PDGFRA: variants seen among roughly 807,000 people sequenced by gnomAD.
The protein encoded by PDGFRA is platelet derived growth factor receptor alpha.
Under a neutral mutation model 121.5 loss-of-function variants are expected in PDGFRA, and 25 were observed. The observed-to-expected ratio is 0.21, with a 90% confidence interval of 0.15 to 0.29. The LOEUF (loss-of-function observed/expected upper bound fraction) is 0.29, where lower values mean the gene tolerates loss of function less well. PDGFRA is among the 10% of genes least tolerant of loss of function. The pLI, the probability that PDGFRA is intolerant of heterozygous loss-of-function variation, is 1.00. For synonymous variants in PDGFRA, 463 were observed against 494.8 expected, an observed-to-expected ratio of 0.94 and a Z score of 0.85; for missense variants, 1,008 against 1,345.1, an observed-to-expected ratio of 0.75 and a Z score of 3.92.
chr4:54,289,261 C>T (rs1050634176), intron 21 of PDGFRA, 147 bp downstream of exon 21: 39 of 701,140 alleles, frequency 5.6e-5, no homozygotes, highest in African/African-American at 3.7e-4. Flanking sequence ...CGGTGCTCCA[C>T]GAGACCCTAG....
intron 1 of PDGFRA, among the ~76,000 whole-genome samples, chr4:54,255,025 T>C (rs1722282181): frequency 6.6e-6 from 1 of 152,120 alleles, no homozygotes; most frequent in Non-Finnish European, 1.5e-5. Flanking sequence ...GACCTTCCCT[T>C]GAGAGAGACC....
At position 54,273,605 on chromosome 4, in the gene PDGFRA, C is replaced by G; in HGVS notation, c.1433C>G (p.Ser478Cys). The part of the protein sequence containing the change: ...NVSNIITEIH[S>C]RDRSTVEGRV... ...TCAAACATCATCACGGAGATCCACT[C>G]CCGAGACAGGAGTACCGTGGAGGGC... Residue 478 changes from serine (S) to cysteine (C), a missense_variant, in exon 10 of 23, where the codon TCC becomes TGC. This residue lies in a region of PDGFRA where 575 missense variants were observed against 701.8 expected (regional missense o/e 0.82). Transcript: ENST00000257290. 2 of 1,614,102 alleles carry G rather than the reference C, an allele frequency of 1.2e-6. No homozygotes were observed. Among genetic ancestry groups the G allele is most frequent in the Non-Finnish European group, 1.7e-6 (2 of 1,179,990 alleles).
intron 1 of PDGFRA, among the ~76,000 whole-genome samples, chr4:54,251,557 C>T (rs1027953959): frequency 3.9e-5 from 6 of 152,156 alleles, no homozygotes; most frequent in Non-Finnish European, 8.8e-5. Flanking sequence ...GGTGTGCTTT[C>T]AGATACAAAC....
Position 54,290,372 on chromosome 4 carries a change from G to A in PDGFRA, c.2940G>A (p.Met980Ile). 2 of 1,612,940 alleles carry A rather than the reference G, an allele frequency of 1.2e-6. No homozygotes were observed. The highest frequency in any genetic ancestry group is 8.5e-7 in the Non-Finnish European group (1 of 1,178,846). Residue 980 changes from methionine to isoleucine, a missense_variant, in exon 22 of 23, where the codon ATG becomes ATA. Around this residue, in one of 5 missense-constraint regions of PDGFRA, gnomAD observed 204 missense variants for 243.0 expected, o/e 0.84. Transcript: ENST00000257290. ...LKSDHPAVAR[M>I]RVDSDNAYIG... Reference sequence around the variant, plus strand: ...GTGACCATCCTGCTGTGGCACGCATGCGTGTGGACTCAGACAATGCATACA... The same window carrying A: ...GTGACCATCCTGCTGTGGCACGCATACGTGTGGACTCAGACAATGCATACA...
chr4:54,296,113 T>A lies in PDGFRA; in HGVS notation c.*841T>A. ...AATAGCTTTAGTGAATTAAATTTAGTTGAGCATAGAGAACAAAGTAAAAGT... is the reference window on the plus strand; with the variant it reads ...AATAGCTTTAGTGAATTAAATTTAGATGAGCATAGAGAACAAAGTAAAAGT... On this transcript the variant is annotated 3_prime_UTR_variant, in exon 23 of 23. Transcript: ENST00000257290. 1 of 232,798 alleles carries A rather than the reference T, an allele frequency of 4.3e-6. No individual in the cohort carries two copies. The highest frequency in any genetic ancestry group is 2.2e-5 in the African/African-American group (1 of 45,430). The allele number at this position is 232,798 out of a possible 1,614,324, so 14.4% of individuals were successfully genotyped here.
intron 16 of PDGFRA, chr4:54,282,076 A>G (rs1241621415): frequency 3.4e-6 from 2 of 593,246 alleles, no homozygotes; most frequent in African/African-American, 2.0e-5. Context: ...AGCTGAGATG[A>G]TTTGCTAATT....
rs148629782 is a variant in PDGFRA at position 54,295,230 on chromosome 4, C to T, written c.3228C>T (p.Ile1076=). Reference sequence around the variant, plus strand: ...AAGACATCGACATGATGGATGACATCGGCATAGACTCTTCAGACCTGGTGG... The same window carrying T: ...AAGACATCGACATGATGGATGACATTGGCATAGACTCTTCAGACCTGGTGG... ...TIEDIDMMDD[I]GIDSSDLVED... The change falls in exon 23 of 23, where the codon ATC becomes ATT. Residue 1076 remains isoleucine, a synonymous_variant. Coordinates refer to ENST00000257290, the MANE Select transcript of PDGFRA (RefSeq NM_006206.6). The T allele has an allele frequency of 1.6e-4, 263 of 1,613,870 alleles. No individual in the cohort carries two copies. The African/African-American group carries it at 3.1e-3, about 19-fold the overall frequency.
At position 54,297,513 on chromosome 4, in the gene PDGFRA, G is replaced by A. The variant is rs1201650357; in HGVS notation, c.*2241G>A. 4 of 233,546 alleles carry A rather than the reference G, an allele frequency of 1.7e-5. No homozygotes were observed. Among genetic ancestry groups the A allele is most frequent in the Non-Finnish European group, 3.4e-5 (4 of 118,058 alleles). The allele number at this position is 233,546 out of a possible 1,614,324, so 14.5% of individuals were successfully genotyped here. A position where few individuals can be genotyped will look rare whatever the true frequency, so the allele number is the denominator to read the frequency against. ...TTCTGTTTATCGCTCACTCTCCCTT[G>A]TACAGCCTTATTTTGTTGGTGCTTT... On this transcript the variant is annotated 3_prime_UTR_variant, in exon 23 of 23. Coordinates refer to ENST00000257290, the MANE Select transcript of PDGFRA (RefSeq NM_006206.6).
Position 54,285,288 on chromosome 4 carries a change from G to A in PDGFRA, c.2324-83G>A, listed in dbSNP as rs1417532869. 5.2e-6 allele frequency: 4 copies of A among 766,148 alleles called. No homozygotes were observed. In the East Asian group the frequency reaches 9.7e-5, roughly 19 times the overall value. 47.5% of individuals were successfully genotyped at this position (766,148 alleles called of 1,614,324 possible). A position where few individuals can be genotyped will look rare whatever the true frequency, so the allele number is the denominator to read the frequency against. ...CAAAAAAATTAAGAAAATATTTTTG[G>A]ATGTGTTCTTTGGGCATGCCTCTGC... On this transcript the variant is annotated intron_variant, in intron 16 of 22. Transcript: ENST00000257290.
rs1577730344 is a variant in PDGFRA, at chr4:54,277,493, G to A, written c.1891+1G>A. The A allele has an allele frequency of 1.3e-6, 2 of 1,596,604 alleles. No homozygotes were observed. The highest frequency in any genetic ancestry group is 1.7e-6 in the Non-Finnish European group (2 of 1,164,140). Reference sequence around the variant, plus strand: ...AAAGTTGCAGTGAAGATGCTAAAACGTAAGTGCTCCTTCCTGGGGATTTTT... The same window carrying A: ...AAAGTTGCAGTGAAGATGCTAAAACATAAGTGCTCCTTCCTGGGGATTTTT... On this transcript the variant is annotated splice_donor_variant, in intron 13 of 22. Transcript: ENST00000257290. LOFTEE classifies it high-confidence loss of function.
rs1262356805 is a variant in PDGFRA at position 54,297,768 on chromosome 4, AT to A, written c.*2497del. On this transcript the variant is annotated 3_prime_UTR_variant, in exon 23 of 23. Transcript: ENST00000257290. Reference sequence around the variant, plus strand: ...CCTACTTTCTATTTTTATGATGACAATCAAAGCCGGCCTGAGAAACACTATT... The same window carrying A: ...CCTACTTTCTATTTTTATGATGACAACAAAGCCGGCCTGAGAAACACTATT... The A allele has an allele frequency of 4.3e-6, 1 of 233,522 alleles. No individual in the cohort carries two copies. The highest frequency in any genetic ancestry group is 8.5e-6 in the Non-Finnish European group (1 of 118,042). The allele number at this position is 233,522 out of a possible 1,614,324, so 14.5% of individuals were successfully genotyped here.
In PDGFRA at chr4:54,295,240, T is replaced by C. The variant is rs777641634; in HGVS notation, c.3238T>C (p.Ser1080Pro). Residue 1080 changes from serine to proline, a missense_variant, in exon 23 of 23, where the codon TCT (serine) becomes CCT (proline). Around this residue, in one of 5 missense-constraint regions of PDGFRA, gnomAD observed 204 missense variants for 243.0 expected, o/e 0.84. Coordinates refer to ENST00000257290, the MANE Select transcript of PDGFRA (RefSeq NM_006206.6). ...IDMMDDIGID[S>P]SDLVEDSFL ...CATGATGGATGACATCGGCATAGAC[T>C]CTTCAGACCTGGTGGAAGACAGCTT... The C allele has an allele frequency of 1.2e-6, 2 of 1,613,940 alleles. No homozygotes were observed. The highest frequency in any genetic ancestry group is 2.7e-5 in the African/African-American group (2 of 74,908).
In PDGFRA at chr4:54,285,376, G is replaced by T; in HGVS notation, c.2329G>T (p.Glu777Ter). The stretch of plus-strand genomic sequence containing the variant: ...ATTTAATTTCTTTTCTGCAGACTCA[G>T]AAGTCAAAAACCTCCTTTCAGATGA... ...SYKKKSMLDS[E>*]VKNLLSDDNS... The change falls in exon 17 of 23, where the codon GAA (glutamate) becomes TAA (stop). Residue 777 changes from glutamate (E) to a stop codon, truncating the protein, a stop_gained. Transcript: ENST00000257290. LOFTEE classifies it high-confidence loss of function. The T allele has an allele frequency of 7.5e-7, 1 of 1,335,394 alleles. No homozygotes were observed. The highest frequency in any genetic ancestry group is 1.1e-6 in the Non-Finnish European group (1 of 925,402). The allele number at this position is 1,335,394 out of a possible 1,614,324, so 82.7% of individuals were successfully genotyped here.
intron 21 of PDGFRA, among the ~76,000 whole-genome samples, 190 bp downstream of exon 21, chr4:54,289,304 G>A (rs575834476): frequency 3.3e-5 from 5 of 152,250 alleles, no homozygotes; most frequent in Admixed American, 6.5e-5. Flanking sequence ...TCCCCTTCCC[G>A]TGGGGCTTTC....
chr4:54,276,069 T>C (rs1335326020), intron 12 of PDGFRA, among the ~76,000 whole-genome samples: 1 of 152,158 alleles, frequency 6.6e-6, no homozygotes, highest in African/African-American at 2.4e-5. Flanking sequence ...TTGGAGACCC[T>C]GTATTTCGAT....
intron 1 of PDGFRA, among the ~76,000 whole-genome samples, chr4:54,247,646 C>G (rs1468729231): frequency 1.4e-4 from 22 of 152,144 alleles, no homozygotes; most frequent in Admixed American, 1.4e-3. Context: ...GAAGCATTCC[C>G]TTTGAAAACT....
intron 12 of PDGFRA, chr4:54,277,144 C>T (rs537931363): frequency 7.1e-5 from 38 of 538,762 alleles, no homozygotes; most frequent in African/African-American, 6.7e-4. Flanking sequence ...AGGGCTGCAC[C>T]CTCCTTTCTC....
chr4:54,248,589 G>T (rs946303942), intron 1 of PDGFRA, among the ~76,000 whole-genome samples: 6 of 152,094 alleles, frequency 3.9e-5, no homozygotes, highest in Non-Finnish European at 8.8e-5. Flanking sequence ...AGACTTAAAC[G>T]TTAGACCTAA....
Position 54,267,458 on chromosome 4 carries a change from A to G in PDGFRA, c.929A>G (p.His310Arg), listed in dbSNP as rs1723097097. ...ATGAAGAAAGTCACTATTTCTGTCCATGGTACATTCCGCTTTCTAAAATGT... is the reference window on the plus strand; with the variant it reads ...ATGAAGAAAGTCACTATTTCTGTCCGTGGTACATTCCGCTTTCTAAAATGT... ...KEMKKVTISVHEKGFIEIKPT... is the reference protein window; with the variant it reads ...KEMKKVTISVREKGFIEIKPT... Residue 310 changes from histidine to arginine, a missense_variant and splice_region_variant, in exon 6 of 23, where the codon CAT becomes CGT. His to Arg is a conservative substitution (Grantham distance 29, BLOSUM62 0). Transcript: ENST00000257290. 2 of 1,614,166 alleles carry G rather than the reference A, an allele frequency of 1.2e-6. No homozygotes were observed. Among genetic ancestry groups the G allele is most frequent in the East Asian group, 2.2e-5 (1 of 44,884 alleles).
Sources: gnomAD v4.1 joint callset for allele counts (sites outside exome capture counted in the v4.1 genomes callset) on GRCh38, gnomAD v4.1.1 for gene constraint, gnomAD v4.1.1 regional missense constraint, MANE v1.5 for transcripts, NCBI Gene and HGNC (gene_info 2026-07-23, HGNC 2026-07-21) for gene names.